FZR1: variants seen among roughly 807,000 people sequenced by gnomAD.
The protein encoded by FZR1 is fizzy-related protein homolog.
In FZR1, 11 loss-of-function variants were observed where a neutral mutation model predicts 63.6. The ratio of observed to expected loss-of-function variants is 0.17; its 90% CI spans 0.11 to 0.29. The LOEUF is 0.29. Among genes scored for constraint, FZR1 ranks in the 10% least tolerant of loss-of-function variants. The probability of loss-of-function intolerance (pLI) is 1.00; values close to 1 mark genes in which losing one functional copy is unlikely to be tolerated. For missense variants in FZR1, 440 were observed against 687.5 expected, an observed-to-expected ratio of 0.64 and a Z score of 4.03; for synonymous variants, 328 against 297.9, an observed-to-expected ratio of 1.10 and a Z score of -1.04.
intron 1 of FZR1, among the ~76,000 whole-genome samples, chr19:3,517,641 T>C (rs1378597235): frequency 6.6e-6 from 1 of 151,868 alleles, no homozygotes; most frequent in African/African-American, 2.4e-5. Flanking sequence ...TGTGCCGAGA[T>C]TGCACCACTG....
At chr19:3,518,244 G>C (rs2083073481) in intron 1 of FZR1, among the ~76,000 whole-genome samples, 1 of 152,018 alleles carries the variant, frequency 6.6e-6, no homozygotes, top group African/African-American at 2.4e-5. Context: ...GAACTCCTGA[G>C]CTCAGGTGAT....
intron 1 of FZR1, among the ~76,000 whole-genome samples, chr19:3,510,222 G>A (rs1002866128): frequency 2.0e-5 from 3 of 151,970 alleles, no homozygotes; most frequent in African/African-American, 7.3e-5. Flanking sequence ...CTGCAGCCTC[G>A]ACCTTCCAGC....
chr19:3,535,712 A>G lies in FZR1; in HGVS notation c.*876A>G, dbSNP rs1432805849. The G allele has an allele frequency of 1.3e-5, 2 of 152,352 alleles. No individual in the cohort carries two copies. Among genetic ancestry groups the G allele is most frequent in the Non-Finnish European group, 2.9e-5 (2 of 68,110 alleles). The allele number at this position is 152,352 out of a possible 1,614,324, so 9.4% of individuals were successfully genotyped here. A position where few individuals can be genotyped will look rare whatever the true frequency, so the allele number is the denominator to read the frequency against. On this transcript the variant is annotated 3_prime_UTR_variant, in exon 14 of 14. Coordinates refer to ENST00000441788, the MANE Select transcript of FZR1 (RefSeq NM_016263.4). ...GGGCCAGCGTCCTCCTTCCCTGCGC[A>G]AGACTTGCGTCCCCCATGCCTGCTG...
Position 3,535,208 on chromosome 19 carries a change from AACTGCC to A in FZR1, c.*373_*378del. 2 of 334,396 alleles carry A rather than the reference AACTGCC, an allele frequency of 6.0e-6. No homozygotes were observed. The highest frequency in any genetic ancestry group is 7.9e-5 in the East Asian group (1 of 12,722). The allele number at this position is 334,396 out of a possible 1,614,324, so 20.7% of individuals were successfully genotyped here. On this transcript the variant is annotated 3_prime_UTR_variant, in exon 14 of 14. Transcript: ENST00000441788. Reference sequence around the variant, plus strand: ...CACCGGAGCCGCATGCTCTTCCTGGAACTGCCCACGTCTGCACAGAACAGACCACCA... The same window carrying A: ...CACCGGAGCCGCATGCTCTTCCTGGACACGTCTGCACAGAACAGACCACCA...
At chr19:3,528,158 C>G (rs982182832) in intron 7 of FZR1, among the ~76,000 whole-genome samples, 1 of 152,234 alleles carries the variant, frequency 6.6e-6, no homozygotes, top group African/African-American at 2.4e-5. Context: ...GAAGAAGAGA[C>G]AGGTGTCCCA....
chr19:3,527,924 A>T, intron 7 of FZR1, 110 bp downstream of exon 7: 1 of 782,210 alleles, frequency 1.3e-6, no homozygotes, highest in Non-Finnish European at 1.9e-6. Flanking sequence ...GGCGCCTGCC[A>T]TGGCCCTCCT....
Position 3,525,432 on chromosome 19 carries a change from CTTTTTTTTTTTT to C in FZR1, c.70-419_70-408del, listed in dbSNP as rs57486013. On this transcript the variant is annotated intron_variant, in intron 2 of 13. Coordinates refer to ENST00000441788, the MANE Select transcript of FZR1 (RefSeq NM_016263.4). The surrounding 1 kb of genome is among the most constrained non-coding windows in gnomAD (Gnocchi z 4.2). Reference sequence around the variant, plus strand: ...TGTGTGGCTCCCCTCCTTGGGTTTTCTTTTTTTTTTTTTTTTTTTTTTTTTTTTGAGACGGAG... The same window carrying C: ...TGTGTGGCTCCCCTCCTTGGGTTTTCTTTTTTTTTTTTTTTTGAGACGGAG... Among the ~76,000 whole-genome samples, 6 of 68,700 alleles carry C rather than the reference CTTTTTTTTTTTT, an allele frequency of 8.7e-5. No individual in the cohort carries two copies. Among genetic ancestry groups the C allele is most frequent in the South Asian group, 1.2e-3 (2 of 1,628 alleles). The allele number at this position is 68,700 out of a possible 152,430, so 45.1% of individuals were successfully genotyped here.
chr19:3,510,979 T>C (rs1037234599), intron 1 of FZR1, among the ~76,000 whole-genome samples: 1 of 152,250 alleles, frequency 6.6e-6, no homozygotes, highest in African/African-American at 2.4e-5. Flanking sequence ...TTTCTATTGC[T>C]ACCGCCTCAC....
chr19:3,518,075 C>T (rs2121921316), intron 1 of FZR1, among the ~76,000 whole-genome samples: 1 of 147,242 alleles, frequency 6.8e-6, no homozygotes, highest in Middle Eastern at 3.8e-3. Context: ...AGTGCAGTGG[C>T]ACGATCTCTG....
intron 13 of FZR1, 47 bp from the exon 14 acceptor site, chr19:3,534,748 C>T (rs747034472): frequency 1.3e-6 from 2 of 1,576,698 alleles, no homozygotes; most frequent in Non-Finnish European, 1.7e-6. Context: ...GCAGCTTCCT[C>T]CCTGGGCCTG....
chr19:3,510,514 C>T (rs1278472739), intron 1 of FZR1, among the ~76,000 whole-genome samples: 1 of 152,188 alleles, frequency 6.6e-6, no homozygotes, highest in East Asian at 1.9e-4. Flanking sequence ...TGTGAATCTT[C>T]CTCTCTCCCA....
At chr19:3,509,049 C>T (rs1260255714) in intron 1 of FZR1, among the ~76,000 whole-genome samples, 4 of 152,250 alleles carry the variant, frequency 2.6e-5, no homozygotes, top group Non-Finnish European at 5.9e-5. Context: ...CTCTCTTCTG[C>T]CCCCGACACC....
chr19:3,532,612 G>A lies in FZR1; in HGVS notation c.1204G>A (p.Val402Met). ...GCAGTGTATCGACACGGGCTCCCAA[G>A]TGTGCAATCTGGCCTGGTCCAAGCA... is the stretch of plus-strand genomic sequence containing the variant. ...PLQCIDTGSQ[V>M]CNLAWSKHAN... is the part of the protein sequence containing the mutation. Residue 402 changes from valine to methionine, a missense_variant, in exon 11 of 14, where the codon GTG becomes ATG. Transcript: ENST00000441788. 1 of 1,612,666 alleles carries A rather than the reference G, an allele frequency of 6.2e-7. No individual in the cohort carries two copies.
chr19:3,527,590 A>T (rs1306493050), intron 6 of FZR1, 41 bp from the exon 7 acceptor site: 1 of 1,554,056 alleles, frequency 6.4e-7, no homozygotes, highest in African/African-American at 1.4e-5. Context: ...GAGGTGACCC[A>T]AGTGCCGTGG....
Position 3,535,851 on chromosome 19 carries a change from C to T in FZR1, c.*1015C>T, listed in dbSNP as rs1275645311. Reference sequence around the variant, plus strand: ...CAGCCGTGGGGAAGCCAAGGAGACCCAAGGGGTCCAGGAGGTGGGCGCCCT... The same window carrying T: ...CAGCCGTGGGGAAGCCAAGGAGACCTAAGGGGTCCAGGAGGTGGGCGCCCT... On this transcript the variant is annotated 3_prime_UTR_variant, in exon 14 of 14. Coordinates refer to ENST00000441788, the MANE Select transcript of FZR1 (RefSeq NM_016263.4). The T allele has an allele frequency of 1.3e-5, 2 of 152,360 alleles. No homozygotes were observed. The highest frequency in any genetic ancestry group is 4.8e-5 in the African/African-American group (2 of 41,466). The allele number at this position is 152,360 out of a possible 1,614,324, so 9.4% of individuals were successfully genotyped here. A position where few individuals can be genotyped will look rare whatever the true frequency, so the allele number is the denominator to read the frequency against.
At chr19:3,507,921 T>G (rs2082997106) in intron 1 of FZR1, among the ~76,000 whole-genome samples, 1 of 152,222 alleles carries the variant, frequency 6.6e-6, no homozygotes, top group Non-Finnish European at 1.5e-5. Context: ...GCCCGGCGCC[T>G]TGAGCAGCGA....
chr19:3,527,941 GGCCTCCCA>G (rs1192701524), intron 7 of FZR1, 127 bp downstream of exon 7: 3 of 647,360 alleles, frequency 4.6e-6, no homozygotes, highest in Admixed American at 3.6e-5. Flanking sequence ...TCCTAGCTGG[GGCCTCCCA>G]GCCTCCCAGC....
In FZR1 at chr19:3,531,901, T is replaced by C. The variant is rs753725410; in HGVS notation, c.824-10T>C. On this transcript the variant is annotated splice_polypyrimidine_tract_variant and intron_variant, in intron 9 of 13. Coordinates refer to ENST00000441788, the MANE Select transcript of FZR1 (RefSeq NM_016263.4). ...GGAGAGGCTCACCCCCGCTTCCACC[T>C]GGCCTCCAGGGGCGCTGGCCTGGAA... 1.0e-5 allele frequency: 16 copies of C among 1,588,620 alleles called. 1 individual carries two copies. In the South Asian group the frequency reaches 1.6e-4, roughly 16 times the overall value.
chr19:3,510,197 C>T (rs920078584), intron 1 of FZR1, among the ~76,000 whole-genome samples: 2 of 152,106 alleles, frequency 1.3e-5, no homozygotes, highest in Non-Finnish European at 2.9e-5. Flanking sequence ...AGTGCAGTGG[C>T]GCAATCACAA....
Sources: gnomAD v4.1 joint callset for allele counts (sites outside exome capture counted in the v4.1 genomes callset) on GRCh38, gnomAD v4.1.1 for gene constraint, Gnocchi (gnomAD v3.1) non-coding constraint, MANE v1.5 for transcripts, NCBI Gene and HGNC (gene_info 2026-07-23, HGNC 2026-07-21) for gene names.